The following RECK variants were observed in gnomAD, a reference collection of about 807,000 sequenced individuals.
RECK encodes the protein reversion-inducing cysteine-rich protein with Kazal motifs.
Under a neutral mutation model 115.1 loss-of-function variants are expected in RECK, and 69 were observed. The observed-to-expected ratio is 0.60, with a 90% CI of 0.49 to 0.73. RECK has a LOEUF of 0.73. RECK is among the 30% of genes least tolerant of loss of function. The pLI is 0.00. For missense variants in RECK, 1,047 were observed against 1,203.7 expected (o/e 0.87, Z 1.93); for synonymous variants, 414 against 419.7 (o/e 0.99, Z 0.17).
chr9:36,121,832 G>A (rs999889904), intron 20 of RECK, 144 bp downstream of exon 20: 12 of 827,544 alleles, frequency 1.5e-5, no homozygotes, highest in Non-Finnish European at 1.7e-5. Flanking sequence ...ACAGGAGGGA[G>A]AAAAGCAAGG....
At position 36,121,632 on chromosome 9, in the gene RECK, G is replaced by C. The variant is rs747098985; in HGVS notation, c.2638G>C (p.Glu880Gln). ...QCDVFGYFSI[E>Q]SEIVILIIPV... The stretch of plus-strand genomic sequence containing the variant: ...TGATGTGTTTGGATACTTCAGCATT[G>C]AATCAGAAATTGTGATCCTGATCAT... Residue 880 changes from glutamate (E) to glutamine (Q), a missense_variant, in exon 20 of 21, where the codon GAA becomes CAA. Coordinates refer to ENST00000377966, the MANE Select transcript of RECK (RefSeq NM_021111.3). 6.2e-7 allele frequency: 1 copy of C among 1,614,182 alleles called. No individual in the cohort carries two copies. Among genetic ancestry groups the C allele is most frequent in the South Asian group, 1.1e-5 (1 of 91,084 alleles).
intron 10 of RECK, among the ~76,000 whole-genome samples, chr9:36,095,269 A>T (rs951170701): frequency 7.2e-5 from 11 of 152,346 alleles, no homozygotes; most frequent in African/African-American, 2.2e-4. Flanking sequence ...TGCATTCCTT[A>T]AAAACCAAAA....
In RECK at chr9:36,123,159, C is replaced by T. The variant is rs1824526425; in HGVS notation, c.*114C>T. On this transcript the variant is annotated 3_prime_UTR_variant, in exon 21 of 21. Transcript: ENST00000377966. ...GGCCAAGGAAAGGCACATGTCACCT[C>T]TATTCGCCACACAGTATTTTTTTTT... 1 of 719,874 alleles carries T rather than the reference C, an allele frequency of 1.4e-6. No homozygotes were observed. Among genetic ancestry groups the T allele is most frequent in the African/African-American group, 1.8e-5 (1 of 56,136 alleles). The allele number at this position is 719,874 out of a possible 1,614,324, so 44.6% of individuals were successfully genotyped here.
chr9:36,049,630 G>A (rs1564099760), intron 1 of RECK, among the ~76,000 whole-genome samples: 1 of 152,212 alleles, frequency 6.6e-6, no homozygotes, highest in African/African-American at 2.4e-5. Flanking sequence ...GAGACCATGG[G>A]TCACCTTGTT....
intron 1 of RECK, 33 bp downstream of exon 1, chr9:36,037,131 G>C (rs1296465188): frequency 1.6e-6 from 2 of 1,243,298 alleles, no homozygotes; most frequent in Non-Finnish European, 1.0e-6. Flanking sequence ...GTTCGAAGCT[G>C]TCGGGAGCGG....
intron 5 of RECK, among the ~76,000 whole-genome samples, chr9:36,065,084 C>G (rs1821932792): frequency 6.6e-6 from 1 of 151,938 alleles, no homozygotes; most frequent in Non-Finnish European, 1.5e-5. Flanking sequence ...GGCATAGTAC[C>G]TCTTCCCTAT....
At chr9:36,103,888 TGAGTCTGGCCTAAAATCAAGTAAGCA>T (rs1823656768) in intron 12 of RECK, among the ~76,000 whole-genome samples, 1 of 152,214 alleles carries the variant, frequency 6.6e-6, no homozygotes, top group Non-Finnish European at 1.5e-5. Context: ...TCTTAGAGTA[TGAGTCTGGCCTAAAATCAAGTAAGCA>T]ACACTTATTG....
chr9:36,066,630 C>T (rs1822009472), intron 6 of RECK: 3 of 339,078 alleles, frequency 8.8e-6, no homozygotes, highest in South Asian at 3.3e-5. Context: ...AGCCCTGCTA[C>T]AGAGAAGTAA....
chr9:36,082,622 A>G (rs6476522), intron 7 of RECK, among the ~76,000 whole-genome samples: 70,132 of 151,966 alleles, frequency 0.46, 16,340 homozygotes, highest in Middle Eastern at 0.61. Context: ...ACCTTAAATG[A>G]CAGCCCATTG....
At chr9:36,060,721 C>T (rs1167292600) in intron 4 of RECK, among the ~76,000 whole-genome samples, 1 of 151,982 alleles carries the variant, frequency 6.6e-6, no homozygotes, top group Non-Finnish European at 1.5e-5. Context: ...TCCCTTCTGT[C>T]TTCACATTCA....
chr9:36,112,779 A>G (rs906462297), intron 16 of RECK, among the ~76,000 whole-genome samples: 2 of 152,212 alleles, frequency 1.3e-5, no homozygotes, highest in Non-Finnish European at 1.5e-5. Flanking sequence ...CAGTAGAGAA[A>G]AAGAAGTGGT....
In RECK at chr9:36,084,420, C is replaced by G. The variant is rs546169453; in HGVS notation, c.637+858C>G. ...AACAAAACAAAACAAAAAGGCCAGGCACGGTGGCTCACGCCTGTAATCCCA... is the reference window on the plus strand; with the variant it reads ...AACAAAACAAAACAAAAAGGCCAGGGACGGTGGCTCACGCCTGTAATCCCA... On this transcript the variant is annotated intron_variant, in intron 8 of 20. Coordinates refer to ENST00000377966, the MANE Select transcript of RECK (RefSeq NM_021111.3). 4.5e-4 allele frequency among the ~76,000 whole-genome samples: 68 copies of G among 151,550 alleles called. 2 individuals carry two copies. In the South Asian group the frequency reaches 0.013, roughly 30 times the overall value.
chr9:36,114,201 C>T (rs1824168175), intron 16 of RECK, among the ~76,000 whole-genome samples: 2 of 152,150 alleles, frequency 1.3e-5, no homozygotes, highest in Admixed American at 1.3e-4. Flanking sequence ...GAACTCAGTC[C>T]GTTGGCCATA....
chr9:36,109,171 A>G (rs1202541849), intron 14 of RECK, among the ~76,000 whole-genome samples: 1 of 152,132 alleles, frequency 6.6e-6, no homozygotes, highest in East Asian at 1.9e-4. Flanking sequence ...GTAACATTTC[A>G]CTGACTAAAT....
chr9:36,059,005 G>C (rs1821652328), intron 3 of RECK, 104 bp downstream of exon 3: 1 of 653,690 alleles, frequency 1.5e-6, no homozygotes, highest in South Asian at 3.5e-5. Context: ...TGGAATTTGT[G>C]GTCAAAATAA....
chr9:36,074,054 C>G (rs909976803), intron 6 of RECK, among the ~76,000 whole-genome samples: 1 of 152,126 alleles, frequency 6.6e-6, no homozygotes, highest in East Asian at 1.9e-4. Flanking sequence ...AAAGCTGGTT[C>G]CAGAACATCA....
At chr9:36,103,918 C>T (rs1385823614) in intron 12 of RECK, among the ~76,000 whole-genome samples, 2 of 152,078 alleles carry the variant, frequency 1.3e-5, no homozygotes, top group African/African-American at 4.8e-5. Flanking sequence ...GTAAGCAACA[C>T]TTATTGTATT....
chr9:36,112,544 A>G, intron 16 of RECK, 68 bp downstream of exon 16: 1 of 1,485,474 alleles, frequency 6.7e-7, no homozygotes, highest in Non-Finnish European at 9.3e-7. Flanking sequence ...ACCATATACC[A>G]GACAGTGAAA....
chr9:36,062,302 C>T (rs1291045477), intron 4 of RECK, among the ~76,000 whole-genome samples: 2 of 151,856 alleles, frequency 1.3e-5, no homozygotes, highest in Non-Finnish European at 2.9e-5. Flanking sequence ...GCTGGGATTA[C>T]AGGCATGCAC....
Sources: allele counts gnomAD v4.1 joint callset (sites outside exome capture counted in the v4.1 genomes callset), GRCh38; gene constraint gnomAD v4.1.1; transcripts MANE v1.5; gene names NCBI Gene and HGNC (gene_info 2026-07-23, HGNC 2026-07-21).